The following MYO18B variants were observed in gnomAD, a reference collection of about 807,000 sequenced individuals.
MYO18B encodes myosin XVIIIB.
MYO18B carries 204 observed loss-of-function variants against 273.0 expected under a neutral mutation model. That is an observed-to-expected ratio of 0.75 (90% confidence interval 0.67 to 0.84). The LOEUF (loss-of-function observed/expected upper bound fraction) is 0.84, where lower values mean the gene tolerates loss of function less well. Ranked by LOEUF, MYO18B falls within the 40% of genes least tolerant of loss-of-function variation. The probability of loss-of-function intolerance (pLI) is 0.00; values close to 1 mark genes in which losing one functional copy is unlikely to be tolerated. For missense variants in MYO18B, 3,212 were observed against 3,287.6 expected (o/e 0.98, Z 0.56); for synonymous variants, 1,330 against 1,305.7 (o/e 1.02, Z -0.40).
chr22:26,057,403 A>C, the MYO18B span, among the ~76,000 whole-genome samples: 1 of 152,166 alleles, frequency 6.6e-6, no homozygotes. Context: ...TATCTTACTT[A>C]ATCCTTATGA....
chr22:25,749,778 G>C (rs2085882194), intron 1 of MYO18B, among the ~76,000 whole-genome samples: 1 of 152,168 alleles, frequency 6.6e-6, no homozygotes, highest in Non-Finnish European at 1.5e-5. Flanking sequence ...GCTATAGTAG[G>C]GTGCAGAGGG....
intron 39 of MYO18B, among the ~76,000 whole-genome samples, chr22:25,970,116 A>G (rs532514584): frequency 6.6e-6 from 1 of 152,174 alleles, no homozygotes; most frequent in African/African-American, 2.4e-5. Context: ...CATCATCACC[A>G]TCACCATCAA....
Position 25,903,665 on chromosome 22 carries a change from A to G in MYO18B, c.4982A>G (p.Gln1661Arg). 1 of 1,609,704 alleles carries G rather than the reference A, an allele frequency of 6.2e-7. No individual in the cohort carries two copies. Among genetic ancestry groups the G allele is most frequent in the Non-Finnish European group, 8.5e-7 (1 of 1,178,010 alleles). ...KEQEASQLKQ[Q>R]VEMLQDHKRE... Reference sequence around the variant, plus strand: ...CAGGAAGCCTCACAGCTGAAGCAGCAGGTGGAGATGCTACAGGACCATAAA... The same window carrying G: ...CAGGAAGCCTCACAGCTGAAGCAGCGGGTGGAGATGCTACAGGACCATAAA... The change falls in exon 31 of 44, where the codon CAG (glutamine) becomes CGG (arginine). Residue 1661 changes from glutamine (Q) to arginine (R), a missense_variant. Physicochemically the swap from Gln to Arg is conservative, Grantham distance 43 (BLOSUM62 1). Coordinates refer to ENST00000335473, the MANE Select transcript of MYO18B (RefSeq NM_032608.7).
At chr22:26,017,472 G>T (rs945957199) in intron 42 of MYO18B, among the ~76,000 whole-genome samples, 1 of 149,156 alleles carries the variant, frequency 6.7e-6, no homozygotes, top group Non-Finnish European at 1.5e-5. Flanking sequence ...AAATAGTTTC[G>T]CATCTTTCTT....
intron 42 of MYO18B, among the ~76,000 whole-genome samples, chr22:26,007,727 G>A (rs779651522): frequency 1.3e-5 from 2 of 152,124 alleles, no homozygotes; most frequent in Admixed American, 6.5e-5. Flanking sequence ...GAAAACCTGA[G>A]GTCTGCAGAG....
chr22:25,968,129 G>A (rs2092998412), intron 39 of MYO18B, among the ~76,000 whole-genome samples: 1 of 152,170 alleles, frequency 6.6e-6, no homozygotes, highest in Non-Finnish European at 1.5e-5. Context: ...AACAGAAAGA[G>A]GGCCCCTTCC....
chr22:25,874,028 A>C (rs1335096179), intron 22 of MYO18B, among the ~76,000 whole-genome samples: 1 of 152,186 alleles, frequency 6.6e-6, no homozygotes, highest in Non-Finnish European at 1.5e-5. Flanking sequence ...TTGCATTTCC[A>C]ACAAGCACCC....
intron 25 of MYO18B, among the ~76,000 whole-genome samples, chr22:25,882,277 G>A (rs190774199): frequency 1.7e-4 from 25 of 151,054 alleles, no homozygotes; most frequent in Non-Finnish European, 2.9e-4. Flanking sequence ...AAGTTGGGCA[G>A]AAAAATCCAA....
At chr22:25,896,759 A>C (rs772350171) in intron 28 of MYO18B, 1 of 152,166 alleles carries the variant, frequency 6.6e-6, no homozygotes, top group Non-Finnish European at 1.5e-5. Flanking sequence ...GCTCCCTGGA[A>C]AAAAACAAAA....
intron 39 of MYO18B, among the ~76,000 whole-genome samples, chr22:25,977,071 G>A (rs1186291144): frequency 6.6e-6 from 1 of 152,174 alleles, no homozygotes; most frequent in Non-Finnish European, 1.5e-5. Flanking sequence ...TTGTAGAGTT[G>A]AGGGGCCGAC....
At position 25,955,504 on chromosome 22, in the gene MYO18B, A is replaced by G. The variant is rs1037364209; in HGVS notation, c.6156+140A>G. The G allele has an allele frequency of 5.6e-6, 5 of 898,236 alleles. No homozygotes were observed. The African/African-American group carries it at 8.4e-5, about 15-fold the overall frequency. The allele number at this position is 898,236 out of a possible 1,614,324, so 55.6% of individuals were successfully genotyped here. On this transcript the variant is annotated intron_variant, in intron 39 of 43. Transcript: ENST00000335473. ...GGGTGTGCGGAAAGCCAGGAGAAACAAGAAGGGGAGAGTGGGCTGAGACAA... is the reference window on the plus strand; with the variant it reads ...GGGTGTGCGGAAAGCCAGGAGAAACGAGAAGGGGAGAGTGGGCTGAGACAA...
chr22:26,004,917 A>C (rs1934303177), intron 42 of MYO18B, 62 bp downstream of exon 42: 2 of 1,595,832 alleles, frequency 1.3e-6, no homozygotes, highest in Admixed American at 3.4e-5. Context: ...AGACTTTGAA[A>C]GTTGTTGTTC....
chr22:25,797,345 C>G (rs1186553332), intron 11 of MYO18B, among the ~76,000 whole-genome samples: 1 of 152,198 alleles, frequency 6.6e-6, no homozygotes, highest in Non-Finnish European at 1.5e-5. Flanking sequence ...AATTGGCCAA[C>G]TCTGCCTATT....
chr22:26,005,329 C>T (rs1934334700), intron 42 of MYO18B, among the ~76,000 whole-genome samples: 1 of 152,058 alleles, frequency 6.6e-6, no homozygotes, highest in African/African-American at 2.4e-5. Context: ...GAAATTGGGC[C>T]AGATGATTTA....
intron 39 of MYO18B, among the ~76,000 whole-genome samples, chr22:25,977,608 CA>C (rs2093105504): frequency 6.6e-6 from 1 of 152,104 alleles, no homozygotes; most frequent in African/African-American, 2.4e-5. Context: ...TAGTAGAGTA[CA>C]GAGCACATGC....
intron 25 of MYO18B, among the ~76,000 whole-genome samples, chr22:25,887,427 A>G (rs2091533452): frequency 6.6e-6 from 1 of 152,118 alleles, no homozygotes; most frequent in African/African-American, 2.4e-5. Context: ...TATACAACAA[A>G]TTTATTAATT....
intron 17 of MYO18B, among the ~76,000 whole-genome samples, chr22:25,838,162 T>G (rs1601299774): frequency 6.6e-6 from 1 of 150,824 alleles, no homozygotes; most frequent in African/African-American, 2.4e-5. Context: ...CACACACAAA[T>G]ATATATATAA....
At chr22:25,744,629 G>T (rs2085723639) in intron 1 of MYO18B, among the ~76,000 whole-genome samples, 1 of 152,164 alleles carries the variant, frequency 6.6e-6, no homozygotes. Flanking sequence ...AGCTACTTGG[G>T]AGGCTGAGGC....
intron 10 of MYO18B, among the ~76,000 whole-genome samples, chr22:25,782,953 C>T (rs766754264): frequency 2.7e-4 from 41 of 152,178 alleles, no homozygotes; most frequent in Non-Finnish European, 4.7e-4. Context: ...TGTATGTTGG[C>T]TTCTCCACTT....
Sources: gnomAD v4.1 joint callset for allele counts (sites outside exome capture counted in the v4.1 genomes callset) on GRCh38, gnomAD v4.1.1 for gene constraint, MANE v1.5 for transcripts, NCBI Gene and HGNC (gene_info 2026-07-23, HGNC 2026-07-21) for gene names.